Variants in RYR2 observed in about 807,000 individuals in gnomAD.
RYR2 encodes the protein ryanodine receptor 2.
Under a neutral mutation model 601.1 loss-of-function variants are expected in RYR2, and 227 were observed. That is an observed-to-expected ratio of 0.38 (90% confidence interval 0.34 to 0.42). The LOEUF (loss-of-function observed/expected upper bound fraction) is 0.42, where lower values mean the gene tolerates loss of function less well. Ranked by LOEUF, RYR2 falls within the 10% of genes least tolerant of loss-of-function variation. The pLI, the probability that RYR2 is intolerant of heterozygous loss-of-function variation, is 1.00. For synonymous variants in RYR2, 2,223 were observed against 2,175.1 expected (o/e 1.02, Z -0.61); for missense variants, 4,646 against 6,156.5 (o/e 0.75, Z 8.21).
intron 25 of RYR2, among the ~76,000 whole-genome samples, chr1:237,538,540 C>T (rs557190265): frequency 2.0e-5 from 3 of 149,146 alleles, no homozygotes; most frequent in Admixed American, 6.7e-5. Context: ...GGGAGGCCAA[C>T]GCAGGCGGAT....
chr1:237,590,272 C>G (rs564532752), intron 30 of RYR2, among the ~76,000 whole-genome samples: 3 of 151,360 alleles, frequency 2.0e-5, no homozygotes, highest in South Asian at 4.2e-4. Flanking sequence ...GGGGTTTGTG[C>G]GCATCAAGCT....
intron 1 of RYR2, among the ~76,000 whole-genome samples, chr1:237,244,054 G>A (rs1442854523): frequency 3.9e-5 from 6 of 152,016 alleles, no homozygotes; most frequent in Admixed American, 2.0e-4. Context: ...TGAGAGGTGC[G>A]TGATCACCTT....
At position 237,317,537 on chromosome 1, in the gene RYR2, TTGCATCCC is replaced by T. The variant is rs562731112; in HGVS notation, c.169-13337_169-13330del. 3.9e-5 allele frequency among the ~76,000 whole-genome samples: 6 copies of T among 152,316 alleles called. No homozygotes were observed. The South Asian group carries it at 1.2e-3, about 32-fold the overall frequency. ...TGATTTTTATGTATTGATCTATATG[TTGCATCCC>T]TGCTACACTCATTTATTAGGGCCAG... is the stretch of plus-strand genomic sequence containing the variant. On this transcript the variant is annotated intron_variant, in intron 2 of 104. Coordinates refer to ENST00000366574, the MANE Select transcript of RYR2 (RefSeq NM_001035.3).
At position 237,180,402 on chromosome 1, in the gene RYR2, C is replaced by G. The variant is rs1164760550; in HGVS notation, c.49-90095C>G. Among the ~76,000 whole-genome samples, 1 of 151,998 alleles carries G rather than the reference C, an allele frequency of 6.6e-6. No individual in the cohort carries two copies. The highest frequency in any genetic ancestry group is 2.4e-5 in the African/African-American group (1 of 41,380). ...CCAGTGATTTGGGCCTGATTTATCT[C>G]TTGATTGCTCTCTGGTAACCGACTC... On this transcript the variant is annotated intron_variant, in intron 1 of 104. Coordinates refer to ENST00000366574, the MANE Select transcript of RYR2 (RefSeq NM_001035.3). The surrounding 1 kb of genome is among the most constrained non-coding windows in gnomAD (Gnocchi z 5.3).
At chr1:237,332,318 G>A (rs1182912652) in intron 3 of RYR2, among the ~76,000 whole-genome samples, 1 of 152,100 alleles carries the variant, frequency 6.6e-6, no homozygotes, top group African/African-American at 2.4e-5. Context: ...ATTAAGTAGG[G>A]AAGAGAAACT....
Position 237,718,446 on chromosome 1 carries a change from A to G in RYR2, c.10495-16A>G. The G allele has an allele frequency of 7.2e-7, 1 of 1,390,764 alleles. No homozygotes were observed. The highest frequency in any genetic ancestry group is 1.8e-4 in the Middle Eastern group (1 of 5,628). 86.2% of individuals were successfully genotyped at this position (1,390,764 alleles called of 1,614,324 possible). ...CAATAGAAGACTCCTTTTAGGTAAC[A>G]TATATTTCTTGACAGAAAGATACCG... is the stretch of plus-strand genomic sequence containing the variant. On this transcript the variant is annotated splice_polypyrimidine_tract_variant and intron_variant, in intron 72 of 104. Transcript: ENST00000366574.
chr1:237,638,989 T>C (rs1681165795), intron 45 of RYR2, 26 bp from the exon 46 acceptor site: 2 of 1,610,566 alleles, frequency 1.2e-6, no homozygotes, highest in African/African-American at 2.7e-5. Flanking sequence ...CATATTTGTT[T>C]ACTTATCTTC....
intron 79 of RYR2, among the ~76,000 whole-genome samples, chr1:237,736,109 G>T (rs1691118360): frequency 1.3e-5 from 2 of 151,296 alleles, no homozygotes; most frequent in African/African-American, 2.4e-5. Context: ...TCACCAAATT[G>T]TTTTTATGTC....
chr1:237,751,588 A>G (rs541610541), intron 80 of RYR2, among the ~76,000 whole-genome samples: 2 of 152,348 alleles, frequency 1.3e-5, no homozygotes, highest in Non-Finnish European at 2.9e-5. Flanking sequence ...ATGCAAGTGT[A>G]TATAATATTG....
At chr1:237,474,630 G>A (rs10925431) in intron 17 of RYR2, among the ~76,000 whole-genome samples, 75,752 of 151,868 alleles carry the variant, frequency 0.5, 20,018 homozygotes, top group East Asian at 0.7. Flanking sequence ...GGGTGCCCAT[G>A]TTGCCCCATT....
intron 5 of RYR2, among the ~76,000 whole-genome samples, chr1:237,366,868 G>A (rs1226489288): frequency 6.6e-6 from 1 of 151,942 alleles, no homozygotes; most frequent in African/African-American, 2.4e-5. Context: ...TATAGCTTTG[G>A]AACATAAATC....
At chr1:237,089,277 T>A (rs1666694181) in intron 1 of RYR2, among the ~76,000 whole-genome samples, 1 of 152,260 alleles carries the variant, frequency 6.6e-6, no homozygotes, top group African/African-American at 2.4e-5. Context: ...TGTTTGAGAA[T>A]AAGCAGAGCC....
At chr1:237,562,464 T>C (rs1028579565) in intron 27 of RYR2, among the ~76,000 whole-genome samples, 9 of 152,264 alleles carry the variant, frequency 5.9e-5, no homozygotes, top group African/African-American at 1.9e-4. Context: ...GCAGAGTGTA[T>C]GGTTACTTTA....
intron 10 of RYR2, among the ~76,000 whole-genome samples, chr1:237,393,757 G>A (rs1466429558): frequency 6.6e-6 from 1 of 152,206 alleles, no homozygotes; most frequent in Admixed American, 6.5e-5. Context: ...TCCTTTGGGA[G>A]AGATTCGCTT....
At chr1:237,778,429 A>C (rs1242022437) in intron 87 of RYR2, among the ~76,000 whole-genome samples, 3 of 152,094 alleles carry the variant, frequency 2.0e-5, no homozygotes, top group African/African-American at 7.2e-5. Flanking sequence ...GAATATAAAA[A>C]TCCTTGAGAA....
chr1:237,345,496 A>G (rs1472374613), intron 3 of RYR2, among the ~76,000 whole-genome samples: 3 of 151,538 alleles, frequency 2.0e-5, no homozygotes, highest in African/African-American at 4.8e-5. Context: ...AAAAATATAT[A>G]TATGTACTAT....
In RYR2 at chr1:237,474,296, T is replaced by C. The variant is rs112960923; in HGVS notation, c.1708+5109T>C. On this transcript the variant is annotated intron_variant, in intron 17 of 104. Transcript: ENST00000366574. The stretch of plus-strand genomic sequence containing the variant: ...ACACACACACACACATATATATATA[T>C]ACACACACACACATACATACATATG... 6.2e-4 allele frequency among the ~76,000 whole-genome samples: 31 copies of C among 49,708 alleles called. 1 individual carries two copies. The highest frequency in any genetic ancestry group is 0.011 in the Middle Eastern group (1 of 90). 32.6% of individuals were successfully genotyped at this position (49,708 alleles called of 152,430 possible). A position where few individuals can be genotyped will look rare whatever the true frequency, so the allele number is the denominator to read the frequency against.
chr1:237,242,576 A>C (rs1167386033), intron 1 of RYR2, among the ~76,000 whole-genome samples: 2 of 152,092 alleles, frequency 1.3e-5, no homozygotes, highest in Non-Finnish European at 2.9e-5. Context: ...ATTTTTACCA[A>C]CTCAGAAAGG....
rs1423972555 is a variant in RYR2 at position 237,733,603 on chromosome 1, C to T, written c.11040-102C>T. 3.9e-6 allele frequency: 3 copies of T among 760,524 alleles called. No homozygotes were observed. The East Asian group carries it at 7.6e-5, about 19-fold the overall frequency. 47.1% of individuals were successfully genotyped at this position (760,524 alleles called of 1,614,324 possible). ...GTTCATTTAATTTTAAAAAGGTATA[C>T]TTGTTAGAAAAAGAACAAAGGTTAT... On this transcript the variant is annotated intron_variant, in intron 78 of 104. Coordinates refer to ENST00000366574, the MANE Select transcript of RYR2 (RefSeq NM_001035.3).
Sources: gnomAD v4.1 joint callset for allele counts (sites outside exome capture counted in the v4.1 genomes callset) on GRCh38, gnomAD v4.1.1 for gene constraint, Gnocchi (gnomAD v3.1) non-coding constraint, MANE v1.5 for transcripts, NCBI Gene and HGNC (gene_info 2026-07-23, HGNC 2026-07-21) for gene names.